The following PADI4 variants were observed in gnomAD, a reference collection of about 807,000 sequenced individuals.
The protein encoded by PADI4 is peptidyl arginine deiminase 4.
A neutral mutation model predicts 75.0 loss-of-function variants in PADI4; 62 were observed. That is an observed-to-expected ratio of 0.83 (90% CI 0.67 to 1.02). The LOEUF (loss-of-function observed/expected upper bound fraction) is 1.02. Ranked by LOEUF, PADI4 falls within the 50% of genes least tolerant of loss-of-function variation. The probability of loss-of-function intolerance (pLI) is 0.00; values close to 1 mark genes in which losing one functional copy is unlikely to be tolerated. For synonymous variants in PADI4, 361 were observed against 348.1 expected, an observed-to-expected ratio of 1.04 and a Z score of -0.41; for missense variants, 845 against 850.5, an observed-to-expected ratio of 0.99 and a Z score of 0.08.
intron 2 of PADI4, among the ~76,000 whole-genome samples, chr1:17,333,533 T>C (rs573034971): frequency 6.6e-6 from 1 of 151,996 alleles, no homozygotes; most frequent in African/African-American, 2.4e-5. Flanking sequence ...GACCCGGCCT[T>C]TCCAGGGTCT....
Position 17,363,881 on chromosome 1 carries a change from T to G in PADI4, c.*126T>G, listed in dbSNP as rs34954650. 3.2e-6 allele frequency: 2 copies of G among 634,250 alleles called. No individual in the cohort carries two copies. The highest frequency in any genetic ancestry group is 5.7e-6 in the Non-Finnish European group (2 of 353,284). The allele number at this position is 634,250 out of a possible 1,614,324, so 39.3% of individuals were successfully genotyped here. On this transcript the variant is annotated 3_prime_UTR_variant, in exon 16 of 16. Transcript: ENST00000375448. ...GCGGCCAGCCCTCCCAGCAGTGGCT[T>G]GCTTTCTTCTCCTGTGATGTCCCAG...
At chr1:17,328,571 T>A (rs11203364) in intron 1 of PADI4, among the ~76,000 whole-genome samples, 83,484 of 151,336 alleles carry the variant, frequency 0.55, 23,229 homozygotes, top group East Asian at 0.59. Flanking sequence ...CACTTGAGCA[T>A]AGGAGGTCAA....
chr1:17,349,336 C>A (rs1228535782), intron 10 of PADI4, among the ~76,000 whole-genome samples: 2 of 152,204 alleles, frequency 1.3e-5, no homozygotes, highest in Non-Finnish European at 2.9e-5. Flanking sequence ...TGTCCCCTTT[C>A]CCACAGACAA....
chr1:17,342,187 G>A, intron 7 of PADI4, 66 bp downstream of exon 7: 3 of 1,530,756 alleles, frequency 2.0e-6, no homozygotes, highest in Non-Finnish European at 1.8e-6. Context: ...GCTAGGGAAA[G>A]GGGTACAGAG....
At chr1:17,361,449 G>A (rs146668793) in intron 15 of PADI4, among the ~76,000 whole-genome samples, 1 of 152,344 alleles carries the variant, frequency 6.6e-6, no homozygotes, top group African/African-American at 2.4e-5. Context: ...TCTCTCCCAG[G>A]AGCTGGCTGT....
In PADI4 at chr1:17,346,117, A is replaced by G. The variant is rs767620689; in HGVS notation, c.1025A>G (p.Asn342Ser). 2.5e-5 allele frequency: 41 copies of G among 1,612,650 alleles called. 3 individuals carry two copies. In the South Asian group the frequency reaches 4.1e-4, roughly 16 times the overall value. ...CTGACCATCTGCCCTGAGGAGGAGA[A>G]CATGGATGACCAGTGGATGCAGGTA... The part of the protein sequence containing the change: ...CKLTICPEEE[N>S]MDDQWMQDEM... The change falls in exon 9 of 16, where the codon AAC becomes AGC. Residue 342 changes from asparagine (N) to serine (S), a missense_variant. By Grantham distance (46) the Asn-to-Ser change is conservative. Coordinates refer to ENST00000375448, the MANE Select transcript of PADI4 (RefSeq NM_012387.3). The surrounding 1 kb of genome is among the most constrained non-coding windows in gnomAD (Gnocchi z 4.3).
intron 10 of PADI4, among the ~76,000 whole-genome samples, chr1:17,352,152 A>AGGTGATGAGAGGTGGTAGGAGAGGCGG (rs2074666815): frequency 2.1e-5 from 2 of 96,822 alleles, no homozygotes; most frequent in African/African-American, 9.3e-5. Context: ...AGGAGAGGCA[A>AGGTGATGAGAGGTGGTAGGAGAGGCGG]TCAGGGAGGT....
chr1:17,346,002 A>C lies in PADI4; in HGVS notation c.936-26A>C. On this transcript the variant is annotated intron_variant, in intron 8 of 15. Coordinates refer to ENST00000375448, the MANE Select transcript of PADI4 (RefSeq NM_012387.3). The surrounding 1 kb of genome is among the most constrained non-coding windows in gnomAD (Gnocchi z 4.3). ...CTGAGCTTCAAATTCCAGAGCACTA[A>C]GGAGCTGCTTTTCTGCTCTCTCTAG... 1.4e-6 allele frequency: 2 copies of C among 1,433,538 alleles called. No homozygotes were observed. The highest frequency in any genetic ancestry group is 2.0e-6 in the Non-Finnish European group (2 of 1,015,460). The allele number at this position is 1,433,538 out of a possible 1,614,324, so 88.8% of individuals were successfully genotyped here.
intron 11 of PADI4, among the ~76,000 whole-genome samples, chr1:17,355,062 G>A (rs2074736766): frequency 1.3e-5 from 2 of 152,236 alleles, no homozygotes; most frequent in Admixed American, 6.5e-5. Context: ...AGGGGCACGG[G>A]AGGAATAGGA....
At chr1:17,326,996 T>A (rs980971399) in intron 1 of PADI4, among the ~76,000 whole-genome samples, 3 of 151,242 alleles carry the variant, frequency 2.0e-5, no homozygotes, top group Non-Finnish European at 4.4e-5. Context: ...CTGCAACCTC[T>A]GCCTCCCAGG....
intron 1 of PADI4, among the ~76,000 whole-genome samples, chr1:17,325,342 T>C (rs2074100943): frequency 6.6e-6 from 1 of 152,202 alleles, no homozygotes; most frequent in African/African-American, 2.4e-5. Flanking sequence ...ACAGTATTTT[T>C]TCCTTTTGTA....
chr1:17,355,985 A>G lies in PADI4; in HGVS notation c.1313A>G (p.Asn438Ser), dbSNP rs1570095037. ...CCCCTTTAACCCTGCCATGACAGCA[A>G]TGACAGCCGGCAGATGCACCAGGCC... is the stretch of plus-strand genomic sequence containing the variant. ...ILFGDSCYPS[N>S]DSRQMHQALQ... Residue 438 changes from asparagine (N) to serine (S), a missense_variant and splice_region_variant, in exon 12 of 16, where the codon AAT becomes AGT. Physicochemically the swap from Asn to Ser is conservative, Grantham distance 46 (BLOSUM62 1). Transcript: ENST00000375448. The G allele has an allele frequency of 4.3e-6, 7 of 1,614,060 alleles. No homozygotes were observed. The highest frequency in any genetic ancestry group is 1.6e-4 in the Middle Eastern group (1 of 6,080).
intron 7 of PADI4, 69 bp downstream of exon 7, chr1:17,342,190 G>C: frequency 6.6e-7 from 1 of 1,521,632 alleles, no homozygotes; most frequent in Non-Finnish European, 9.1e-7. Context: ...AGGGAAAGGG[G>C]TACAGAGCCC....
intron 8 of PADI4, among the ~76,000 whole-genome samples, chr1:17,345,442 T>C (rs2074497791): frequency 6.6e-6 from 1 of 152,108 alleles, no homozygotes; most frequent in African/African-American, 2.4e-5. Context: ...TGTGAGGATA[T>C]AGGATTTGGA....
chr1:17,350,792 A>G lies in PADI4; in HGVS notation c.1155+2744A>G, dbSNP rs571621154. Among the ~76,000 whole-genome samples the G allele has an allele frequency of 3.8e-5, 5 of 130,376 alleles. 1 individual carries two copies. The highest frequency in any genetic ancestry group is 2.5e-4 in the Admixed American group (3 of 11,872). 85.5% of individuals were successfully genotyped at this position (130,376 alleles called of 152,430 possible). A position where few individuals can be genotyped will look rare whatever the true frequency, so the allele number is the denominator to read the frequency against. ...TTGAGATATGACAGGGAGCAACGCCAAGGTCCCTGACCTCACGGAGGGGAC... is the reference window on the plus strand; with the variant it reads ...TTGAGATATGACAGGGAGCAACGCCGAGGTCCCTGACCTCACGGAGGGGAC... On this transcript the variant is annotated intron_variant, in intron 10 of 15. Coordinates refer to ENST00000375448, the MANE Select transcript of PADI4 (RefSeq NM_012387.3).
At chr1:17,360,358 C>T (rs1370670203) in intron 15 of PADI4, among the ~76,000 whole-genome samples, 1 of 151,916 alleles carries the variant, frequency 6.6e-6, no homozygotes, top group East Asian at 1.9e-4. Flanking sequence ...AGCCAGAGTC[C>T]TCTGGTGAGG....
At position 17,362,334 on chromosome 1, in the gene PADI4, A is replaced by C. The variant is rs568200787; in HGVS notation, c.1759-1188A>C. On this transcript the variant is annotated intron_variant, in intron 15 of 15. Transcript: ENST00000375448. ...CACCACTGAACTCTAGCCTGGGTGA[A>C]GAGTAAGACCCTGTCTCAAAAAAAA... Among the ~76,000 whole-genome samples the C allele has an allele frequency of 2.1e-5, 3 of 145,342 alleles. No individual in the cohort carries two copies. In the South Asian group the frequency reaches 6.7e-4, roughly 32 times the overall value.
chr1:17,356,018 A>G lies in PADI4; in HGVS notation c.1346A>G (p.Asp449Gly). The G allele has an allele frequency of 6.2e-7, 1 of 1,614,044 alleles. No individual in the cohort carries two copies. Among genetic ancestry groups the G allele is most frequent in the Non-Finnish European group, 8.5e-7 (1 of 1,179,964 alleles). ...CGGCAGATGCACCAGGCCCTGCAGG[A>G]CTTCCTCAGTGCCCAGCAGGTGCAG... Reference protein sequence around the residue: ...DSRQMHQALQDFLSAQQVQAP... With the variant: ...DSRQMHQALQGFLSAQQVQAP... The change falls in exon 12 of 16, where the codon GAC (aspartate) becomes GGC (glycine). Residue 449 changes from aspartate (D) to glycine (G), a missense_variant. By Grantham distance (94) the Asp-to-Gly change is moderately conservative (BLOSUM62 -1). Coordinates refer to ENST00000375448, the MANE Select transcript of PADI4 (RefSeq NM_012387.3). This position sits in a 1 kb window ranked among gnomAD's most constrained non-coding sequence, Gnocchi z 4.1.
intron 6 of PADI4, among the ~76,000 whole-genome samples, chr1:17,341,631 C>T (rs1361911313): frequency 6.6e-6 from 1 of 152,204 alleles, no homozygotes; most frequent in Non-Finnish European, 1.5e-5. Flanking sequence ...GTGCCCCTGT[C>T]CCCCGCTGAC....
Sources: gnomAD v4.1 joint callset for allele counts (sites outside exome capture counted in the v4.1 genomes callset) on GRCh38, gnomAD v4.1.1 for gene constraint, Gnocchi (gnomAD v3.1) non-coding constraint, MANE v1.5 for transcripts, NCBI Gene and HGNC (gene_info 2026-07-23, HGNC 2026-07-21) for gene names.